Variants in PALS2 observed in about 807,000 individuals in gnomAD.
PALS2 encodes protein PALS2.
A neutral mutation model predicts 61.6 loss-of-function variants in PALS2; 27 were observed. The ratio of observed to expected loss-of-function variants is 0.44; its 90% CI spans 0.32 to 0.60. The LOEUF is 0.60. Ranked by LOEUF, PALS2 falls within the 20% of genes least tolerant of loss-of-function variation. The pLI is 0.05. For missense variants in PALS2, 554 were observed against 639.4 expected (o/e 0.87, Z 1.44); for synonymous variants, 236 against 218.6 (o/e 1.08, Z -0.70).
chr7:24,581,244 CGTGTGTGTGTGT>C (rs55768123), intron 1 of PALS2, among the ~76,000 whole-genome samples: 14,935 of 143,076 alleles, frequency 0.1, 1,128 homozygotes, highest in African/African-American at 0.21. Flanking sequence ...CATTTCCCCA[CGTGTGTGTGTGT>C]GTGTGTGTGT....
intron 5 of PALS2, among the ~76,000 whole-genome samples, chr7:24,661,047 A>C (rs1178120649): frequency 1.3e-5 from 2 of 152,144 alleles, no homozygotes; most frequent in South Asian, 2.1e-4. Context: ...AGTTCTTTTT[A>C]GTAATAAGAA....
rs1783541114 is a variant in PALS2 at position 24,596,778 on chromosome 7, T to C, written c.-3+23185T>C. On this transcript the variant is annotated intron_variant, in intron 1 of 11. Coordinates refer to ENST00000222644, the MANE Select transcript of PALS2 (RefSeq NM_001303037.2). This position sits in a 1 kb window ranked among gnomAD's most constrained non-coding sequence, Gnocchi z 4.5. ...CACTACACTTTAACAAGGATATTTCTGGACATAGTAGGAAGCATGGACTGT... is the reference window on the plus strand; with the variant it reads ...CACTACACTTTAACAAGGATATTTCCGGACATAGTAGGAAGCATGGACTGT... 6.6e-6 allele frequency among the ~76,000 whole-genome samples: 1 copy of C among 152,194 alleles called. No homozygotes were observed. Among genetic ancestry groups the C allele is most frequent in the Non-Finnish European group, 1.5e-5 (1 of 68,024 alleles).
intron 1 of PALS2, among the ~76,000 whole-genome samples, chr7:24,594,627 A>G (rs56223251): frequency 0.067 from 10,160 of 152,122 alleles, 405 homozygotes; most frequent in African/African-American, 0.11. Context: ...AGGAATGGCC[A>G]GTTGGTAGAC....
At chr7:24,671,512 T>C (rs1470875515) in intron 9 of PALS2, among the ~76,000 whole-genome samples, 1 of 152,216 alleles carries the variant, frequency 6.6e-6, no homozygotes, top group Non-Finnish European at 1.5e-5. Context: ...TCCTTTGATA[T>C]ACAAAAGTTT....
chr7:24,630,494 A>G (rs1038317278), intron 2 of PALS2, among the ~76,000 whole-genome samples: 1 of 152,044 alleles, frequency 6.6e-6, no homozygotes, highest in African/African-American at 2.4e-5. Context: ...ATAATTTTTA[A>G]AAAAAAGAAG....
intron 2 of PALS2, among the ~76,000 whole-genome samples, chr7:24,628,211 A>G (rs188031081): frequency 9.2e-5 from 14 of 152,346 alleles, no homozygotes; most frequent in Admixed American, 5.9e-4. Context: ...GGCAGGTTCA[A>G]CATGCACAAA....
At chr7:24,668,704 A>T (rs1787155239) in intron 9 of PALS2, 44 bp downstream of exon 9, 1 of 1,597,666 alleles carries the variant, frequency 6.3e-7, no homozygotes, top group Non-Finnish European at 8.6e-7. Flanking sequence ...GGCAGGAAAG[A>T]GTATGGGCAT....
At chr7:24,588,158 A>G (rs1783145219) in intron 1 of PALS2, among the ~76,000 whole-genome samples, 1 of 152,180 alleles carries the variant, frequency 6.6e-6, no homozygotes, top group African/African-American at 2.4e-5. Context: ...CCTGGAATGT[A>G]GAGTAGGCAG....
At chr7:24,625,416 CT>C (rs1006140501) in intron 2 of PALS2, among the ~76,000 whole-genome samples, 3 of 152,160 alleles carry the variant, frequency 2.0e-5, no homozygotes, top group African/African-American at 7.2e-5. Flanking sequence ...TTCACAACAA[CT>C]TTATGAATTT....
chr7:24,677,372 T>C (rs1334757809), intron 9 of PALS2, among the ~76,000 whole-genome samples: 5 of 151,428 alleles, frequency 3.3e-5, no homozygotes, highest in Non-Finnish European at 5.9e-5. Flanking sequence ...TTTCCTTCTC[T>C]TGCCTAATTG....
chr7:24,624,272 T>C (rs1784643474), intron 2 of PALS2: 1 of 397,036 alleles, frequency 2.5e-6, no homozygotes, highest in African/African-American at 2.1e-5. Context: ...CTTTAACTCA[T>C]TGATAAGTAT....
At chr7:24,678,383 G>A (rs1011732492) in intron 9 of PALS2, among the ~76,000 whole-genome samples, 1 of 152,112 alleles carries the variant, frequency 6.6e-6, no homozygotes, top group Non-Finnish European at 1.5e-5. Flanking sequence ...GAGGTTAATA[G>A]ACCATAATAA....
chr7:24,645,986 A>G (rs755136850), intron 3 of PALS2, among the ~76,000 whole-genome samples: 4 of 152,070 alleles, frequency 2.6e-5, no homozygotes, highest in Non-Finnish European at 5.9e-5. Flanking sequence ...CAAAATTTGT[A>G]TCATTCGGAA....
At chr7:24,586,459 GA>G (rs1263214594) in intron 1 of PALS2, among the ~76,000 whole-genome samples, 1 of 151,992 alleles carries the variant, frequency 6.6e-6, no homozygotes, top group Non-Finnish European at 1.5e-5. Flanking sequence ...AATAACCAAG[GA>G]AAAAAAGTAG....
chr7:24,653,689 A>C (rs1786276200), intron 5 of PALS2, among the ~76,000 whole-genome samples: 1 of 152,240 alleles, frequency 6.6e-6, no homozygotes, highest in Non-Finnish European at 1.5e-5. Flanking sequence ...ATGATAAAAA[A>C]AATCTTCAGT....
intron 2 of PALS2, among the ~76,000 whole-genome samples, chr7:24,625,755 CTT>C (rs763142300): frequency 7.9e-5 from 12 of 152,234 alleles, no homozygotes; most frequent in Non-Finnish European, 1.3e-4. Context: ...CTACTGTACT[CTT>C]TTGATGATAA....
chr7:24,616,939 C>A (rs765223406), intron 1 of PALS2, among the ~76,000 whole-genome samples: 4 of 152,182 alleles, frequency 2.6e-5, no homozygotes, highest in Non-Finnish European at 5.9e-5. Flanking sequence ...CTTCCTGGAT[C>A]TGAATGTCCA....
chr7:24,681,813 C>A (rs914080946), intron 11 of PALS2, among the ~76,000 whole-genome samples: 1 of 152,172 alleles, frequency 6.6e-6, no homozygotes, highest in Non-Finnish European at 1.5e-5. Context: ...ACCACTGTCA[C>A]CTTTTCCCCT....
chr7:24,587,399 A>G (rs74382754), intron 1 of PALS2, among the ~76,000 whole-genome samples: 1,589 of 152,180 alleles, frequency 0.01, 26 homozygotes, highest in African/African-American at 0.036. Context: ...AAATTTTTTT[A>G]GACAGCATAT....
Sources: gnomAD v4.1 joint callset for allele counts (sites outside exome capture counted in the v4.1 genomes callset) on GRCh38, gnomAD v4.1.1 for gene constraint, Gnocchi (gnomAD v3.1) non-coding constraint, MANE v1.5 for transcripts, NCBI Gene and HGNC (gene_info 2026-07-23, HGNC 2026-07-21) for gene names.